The following PLEKHA5 variants were observed in gnomAD, a reference collection of about 807,000 sequenced individuals.
PLEKHA5 encodes the protein pleckstrin homology domain-containing family A member 5.
A neutral mutation model predicts 181.9 loss-of-function variants in PLEKHA5; 55 were observed. That is an observed-to-expected ratio of 0.30 (90% CI 0.24 to 0.38). The LOEUF is 0.38. PLEKHA5 is among the 10% of genes least tolerant of loss of function. PLEKHA5 has a pLI of 1.00. For missense variants in PLEKHA5, 1,432 were observed against 1,549.5 expected, an observed-to-expected ratio of 0.92 and a Z score of 1.27; for synonymous variants, 535 against 529.4, an observed-to-expected ratio of 1.01 and a Z score of -0.15.
rs557451320 is a variant in PLEKHA5 at position 19,360,824 on chromosome 12, T to TGG, written c.3484-757_3484-756dup. Among the ~76,000 whole-genome samples, 7 of 151,874 alleles carry TGG rather than the reference T, an allele frequency of 4.6e-5. No individual in the cohort carries two copies. The South Asian group carries it at 1.3e-3, about 27-fold the overall frequency. On this transcript the variant is annotated intron_variant, in intron 28 of 31. Transcript: ENST00000429027. ...AGGCTGGAGTACAGTGGCGTGATCT[T>TGG]GGCTCACTGCAACCTCTGCCTCCCA...
intron 8 of PLEKHA5, among the ~76,000 whole-genome samples, chr12:19,268,999 T>A (rs2071564631): frequency 6.6e-6 from 1 of 152,178 alleles, no homozygotes; most frequent in Admixed American, 6.5e-5. Flanking sequence ...AAGAAATTGC[T>A]AACGCAGGAG....
rs776947987 is a variant in PLEKHA5 at position 19,366,027 on chromosome 12, G to T, written c.3672G>T (p.Lys1224Asn). Residue 1224 changes from lysine (K) to asparagine (N), a missense_variant, in exon 30 of 32, where the codon AAG (lysine) becomes AAT (asparagine). This residue lies in a region of PLEKHA5 where 1,143 missense variants were observed against 1,168.4 expected (regional missense o/e 0.98). Coordinates refer to ENST00000429027, the MANE Select transcript of PLEKHA5 (RefSeq NM_001256470.2). ...AAGAGCATCCTGAAGAAAATACAAAGAACAGTGTTGACGAACAGGAAGAAA... is the reference window on the plus strand; with the variant it reads ...AAGAGCATCCTGAAGAAAATACAAATAACAGTGTTGACGAACAGGAAGAAA... Reference protein sequence around the residue: ...KPEEHPEENTKNSVDEQEETV... With the variant: ...KPEEHPEENTNNSVDEQEETV... 4 of 1,611,492 alleles carry T rather than the reference G, an allele frequency of 2.5e-6. No individual in the cohort carries two copies. The highest frequency in any genetic ancestry group is 3.4e-6 in the Non-Finnish European group (4 of 1,178,200).
intron 28 of PLEKHA5, 76 bp downstream of exon 28, chr12:19,359,622 A>G: frequency 4.9e-6 from 7 of 1,419,678 alleles, no homozygotes; most frequent in Non-Finnish European, 6.9e-6. Context: ...AAGGTTGAAA[A>G]TAAAGTGTGT....
At chr12:19,211,334 A>G (rs1195841322) in intron 3 of PLEKHA5, among the ~76,000 whole-genome samples, 2 of 152,098 alleles carry the variant, frequency 1.3e-5, no homozygotes, top group African/African-American at 4.8e-5. Flanking sequence ...GGACTTTGAG[A>G]TGAGGTTTTC....
chr12:19,172,893 T>C (rs2046239199), intron 3 of PLEKHA5, among the ~76,000 whole-genome samples: 1 of 151,314 alleles, frequency 6.6e-6, no homozygotes, highest in Non-Finnish European at 1.5e-5. Context: ...GGTGTTAAAG[T>C]AGTGGTGGTG....
chr12:19,336,337 T>A (rs1415825861), intron 20 of PLEKHA5, among the ~76,000 whole-genome samples, 178 bp from the exon 21 acceptor site: 1 of 152,236 alleles, frequency 6.6e-6, no homozygotes, highest in Non-Finnish European at 1.5e-5. Flanking sequence ...ATACTTAGGT[T>A]GCTTAGTAAA....
chr12:19,340,431 C>T (rs2093788047), intron 21 of PLEKHA5, among the ~76,000 whole-genome samples: 2 of 108,380 alleles, frequency 1.8e-5, no homozygotes, highest in Non-Finnish European at 4.5e-5. Flanking sequence ...TCTGCCCGGC[C>T]ACCACCCCGT....
At chr12:19,163,703 G>T (rs564171312) in intron 3 of PLEKHA5, among the ~76,000 whole-genome samples, 1 of 146,596 alleles carries the variant, frequency 6.8e-6, no homozygotes, top group Non-Finnish European at 1.5e-5. Context: ...TCTCTTTCCT[G>T]TTCTCTTGGG....
chr12:19,274,783 C>G lies in PLEKHA5; in HGVS notation c.1113C>G (p.His371Gln). The G allele has an allele frequency of 6.2e-7, 1 of 1,614,190 alleles. No individual in the cohort carries two copies. The highest frequency in any genetic ancestry group is 8.5e-7 in the Non-Finnish European group (1 of 1,180,034). Reference protein sequence around the residue: ...SGSACPAQTVHYRPINLSSSE... With the variant: ...SGSACPAQTVQYRPINLSSSE... ...CAGCATGCCCTGCTCAGACTGTGCA[C>G]TACAGACCAATCAACTTGAGCAGTT... Residue 371 changes from histidine to glutamine, a missense_variant, in exon 11 of 32, where the codon CAC becomes CAG. By Grantham distance (24) the His-to-Gln change is conservative. Transcript: ENST00000429027.
intron 3 of PLEKHA5, among the ~76,000 whole-genome samples, chr12:19,231,216 GT>G (rs1174342654): frequency 3.3e-5 from 5 of 152,026 alleles, no homozygotes; most frequent in Admixed American, 2.6e-4. Context: ...ACTATCATAT[GT>G]TTAATTCTAT....
At chr12:19,249,575 C>G (rs2064722738) in intron 3 of PLEKHA5, among the ~76,000 whole-genome samples, 2 of 152,038 alleles carry the variant, frequency 1.3e-5, no homozygotes, top group South Asian at 4.1e-4. Context: ...AAAGCAAAAC[C>G]ACAGATAAGG....
rs567965710 is a variant in PLEKHA5, at chr12:19,196,923, A to C, written c.228-57017A>C. 2.6e-5 allele frequency among the ~76,000 whole-genome samples: 4 copies of C among 151,434 alleles called. 1 individual carries two copies. Among genetic ancestry groups the C allele is most frequent in the African/African-American group, 9.7e-5 (4 of 41,316 alleles). On this transcript the variant is annotated intron_variant, in intron 3 of 31. Transcript: ENST00000429027. ...CAGCACTGATTGACCATGTTGACAT[A>C]ATTAAAATTTTCAAATCCTGTTCAC...
intron 3 of PLEKHA5, among the ~76,000 whole-genome samples, chr12:19,163,101 A>G (rs1473107037): frequency 5.3e-5 from 8 of 152,200 alleles, no homozygotes; most frequent in African/African-American, 1.9e-4. Flanking sequence ...CCTTTTAAGC[A>G]GATGAGAAAC....
chr12:19,202,827 C>T (rs1331703284), intron 3 of PLEKHA5, among the ~76,000 whole-genome samples: 1 of 152,072 alleles, frequency 6.6e-6, no homozygotes, highest in Non-Finnish European at 1.5e-5. Context: ...GAGATCCACC[C>T]ATCCTCATGT....
chr12:19,362,966 G>C (rs552062905), intron 29 of PLEKHA5, among the ~76,000 whole-genome samples: 1 of 151,154 alleles, frequency 6.6e-6, no homozygotes, highest in African/African-American at 2.4e-5. Flanking sequence ...TTGATATAAG[G>C]GACTGGAGCA....
intron 3 of PLEKHA5, among the ~76,000 whole-genome samples, chr12:19,162,348 A>G (rs1240546012): frequency 1.3e-5 from 2 of 152,202 alleles, no homozygotes; most frequent in African/African-American, 2.4e-5. Flanking sequence ...ATTATTAACA[A>G]TTTTTAGGGT....
intron 3 of PLEKHA5, among the ~76,000 whole-genome samples, chr12:19,242,054 G>A (rs928177571): frequency 6.6e-6 from 1 of 152,092 alleles, no homozygotes; most frequent in African/African-American, 2.4e-5. Flanking sequence ...TCTAAATTAT[G>A]TTAAGCACTT....
At chr12:19,338,058 G>C (rs2093594354) in intron 21 of PLEKHA5, among the ~76,000 whole-genome samples, 1 of 151,656 alleles carries the variant, frequency 6.6e-6, no homozygotes, top group Admixed American at 6.6e-5. Flanking sequence ...AGATTAGTAA[G>C]GTTGAATCAG....
Position 19,223,141 on chromosome 12 carries a change from C to T in PLEKHA5, c.228-30799C>T, listed in dbSNP as rs117902305. On this transcript the variant is annotated intron_variant, in intron 3 of 31. Coordinates refer to ENST00000429027, the MANE Select transcript of PLEKHA5 (RefSeq NM_001256470.2). ...GTGCCTCCCGCTACAACCCGTGGCT[C>T]CTAAGTGGAAATGTGTGCTCTGCTG... is the stretch of plus-strand genomic sequence containing the variant. 1.4e-3 allele frequency among the ~76,000 whole-genome samples: 211 copies of T among 151,748 alleles called. 5 individuals are homozygous for T. In the East Asian group the frequency reaches 0.037, roughly 26 times the overall value.
Sources: allele counts gnomAD v4.1 joint callset (sites outside exome capture counted in the v4.1 genomes callset), GRCh38; gene constraint gnomAD v4.1.1; regional missense constraint gnomAD v4.1.1; transcripts MANE v1.5; gene names NCBI Gene and HGNC (gene_info 2026-07-23, HGNC 2026-07-21).